Variants in KLHL7 observed in about 807,000 individuals in gnomAD.
The protein encoded by KLHL7 is kelch like family member 7.
A neutral mutation model predicts 67.4 loss-of-function variants in KLHL7; 44 were observed. That is an observed-to-expected ratio of 0.65 (90% CI 0.51 to 0.84). KLHL7 has a LOEUF of 0.84. Ranked by LOEUF, KLHL7 falls within the 40% of genes least tolerant of loss-of-function variation. The pLI, the probability that KLHL7 is intolerant of heterozygous loss-of-function variation, is 0.00. For synonymous variants in KLHL7, 252 were observed against 243.3 expected (o/e 1.04, Z -0.33); for missense variants, 362 against 718.1 (o/e 0.50, Z 5.67).
Position 23,167,930 on chromosome 7 carries a change from G to T in KLHL7, c.1272G>T (p.Gly424=), listed in dbSNP as rs1785050127. The change falls in exon 9 of 11, where the codon GGG becomes GGT. Residue 424 remains glycine (G), a synonymous_variant. Transcript: ENST00000339077. ...PSMLTQRCSH[G]MVEANGLIYV... is the part of the protein sequence containing the mutation. ...TGCTGACCCAGCGCTGCAGCCATGGGATGGTGGAAGCCAATGGCCTAATCT... is the reference window on the plus strand; with the variant it reads ...TGCTGACCCAGCGCTGCAGCCATGGTATGGTGGAAGCCAATGGCCTAATCT... 3 of 1,614,262 alleles carry T rather than the reference G, an allele frequency of 1.9e-6. No homozygotes were observed. Among genetic ancestry groups the T allele is most frequent in the Non-Finnish European group, 2.5e-6 (3 of 1,180,048 alleles).
At chr7:23,129,700 G>A (rs1783724004) in intron 4 of KLHL7, 1 of 158,342 alleles carries the variant, frequency 6.3e-6, no homozygotes, top group Non-Finnish European at 1.4e-5. Context: ...GACTTATGGA[G>A]CCAGTCCCAG....
At chr7:23,122,783 A>G (rs1204270503) in intron 1 of KLHL7, among the ~76,000 whole-genome samples, 1 of 152,186 alleles carries the variant, frequency 6.6e-6, no homozygotes, top group Non-Finnish European at 1.5e-5. Context: ...TTTTAGTAAA[A>G]TACTTAAAAT....
At chr7:23,117,844 C>G in intron 1 of KLHL7, 1 of 1,611,064 alleles carries the variant, frequency 6.2e-7, no homozygotes, top group Non-Finnish European at 8.5e-7. Flanking sequence ...TGATTTAAAT[C>G]TACCACCCAG....
At chr7:23,123,493 A>G (rs1783436408) in intron 1 of KLHL7, among the ~76,000 whole-genome samples, 1 of 152,064 alleles carries the variant, frequency 6.6e-6, no homozygotes, top group Non-Finnish European at 1.5e-5. Flanking sequence ...AGAAAAAAAA[A>G]AAAAAAAAGA....
chr7:23,121,781 C>A (rs1157359078), intron 1 of KLHL7, among the ~76,000 whole-genome samples: 1 of 150,286 alleles, frequency 6.7e-6, no homozygotes, highest in Non-Finnish European at 1.5e-5. Flanking sequence ...CTCCTGGGTT[C>A]ATGCCGTTCT....
intron 7 of KLHL7, chr7:23,155,962 T>G: frequency 4.3e-6 from 2 of 460,914 alleles, no homozygotes; most frequent in South Asian, 3.2e-5. Context: ...TAGTTCTAAT[T>G]CTTTCCTTGA....
At chr7:23,124,585 C>T in intron 2 of KLHL7, 103 bp from the exon 3 acceptor site, 1 of 753,074 alleles carries the variant, frequency 1.3e-6, no homozygotes, top group East Asian at 2.6e-5. Context: ...AGAGAACTGT[C>T]CCGTTATTTT....
At chr7:23,113,951 A>C (rs138875231) in intron 1 of KLHL7, among the ~76,000 whole-genome samples, 1 of 152,192 alleles carries the variant, frequency 6.6e-6, no homozygotes, top group Non-Finnish European at 1.5e-5. Flanking sequence ...TTGAGAATGA[A>C]TTCTGCTACA....
chr7:23,128,532 T>C (rs1783672620), intron 4 of KLHL7, among the ~76,000 whole-genome samples: 1 of 151,772 alleles, frequency 6.6e-6, no homozygotes. Context: ...AGATATATTC[T>C]AGTGATATTT....
intron 4 of KLHL7, among the ~76,000 whole-genome samples, chr7:23,138,972 TG>T (rs1260200097): frequency 6.6e-6 from 1 of 152,084 alleles, no homozygotes; most frequent in Non-Finnish European, 1.5e-5. Flanking sequence ...CTCATTCTCC[TG>T]GGGTAGGGTT....
chr7:23,118,325 C>T (rs1783184612), intron 1 of KLHL7, among the ~76,000 whole-genome samples: 1 of 152,206 alleles, frequency 6.6e-6, no homozygotes, highest in Non-Finnish European at 1.5e-5. Context: ...GGACCCGTCA[C>T]TACTAGTTCT....
intron 6 of KLHL7, among the ~76,000 whole-genome samples, chr7:23,146,660 CTTCTTCTT>C (rs1374642583): frequency 2.5e-5 from 3 of 120,764 alleles, no homozygotes; most frequent in Non-Finnish European, 1.6e-5. Context: ...TCTTCTTCTT[CTTCTTCTT>C]TTTTTTTTAA....
chr7:23,163,721 G>A (rs1784917169), intron 7 of KLHL7, among the ~76,000 whole-genome samples: 2 of 152,162 alleles, frequency 1.3e-5, no homozygotes, highest in Admixed American at 1.3e-4. Context: ...CTTTATACAT[G>A]GATGTGTCCA....
chr7:23,110,211 A>G (rs1396069647), intron 1 of KLHL7, among the ~76,000 whole-genome samples: 1 of 152,232 alleles, frequency 6.6e-6, no homozygotes, highest in Non-Finnish European at 1.5e-5. Context: ...GACACCATAG[A>G]TAAATAGAAG....
rs1179814480 is a variant in KLHL7, at chr7:23,105,865, G to C, written c.-162G>C. 1.9e-6 allele frequency: 2 copies of C among 1,064,792 alleles called. No homozygotes were observed. The highest frequency in any genetic ancestry group is 1.4e-5 in the South Asian group (1 of 73,564). 66.0% of individuals were successfully genotyped at this position (1,064,792 alleles called of 1,614,324 possible). On this transcript the variant is annotated 5_prime_UTR_variant, in exon 1 of 11. Coordinates refer to ENST00000339077, the MANE Select transcript of KLHL7 (RefSeq NM_001031710.3). ...AGGGGGCCGCCCGGCCTTGTCTTTC[G>C]GCAGTGGCCGAGCCACCGCCGCCTG...
intron 6 of KLHL7, among the ~76,000 whole-genome samples, chr7:23,145,946 G>T (rs1784342183): frequency 6.6e-6 from 1 of 152,110 alleles, no homozygotes; most frequent in Admixed American, 6.5e-5. Context: ...TGTTCAGGCT[G>T]GTCTCAAACT....
chr7:23,128,708 T>A (rs1310916447), intron 4 of KLHL7, among the ~76,000 whole-genome samples: 1 of 151,792 alleles, frequency 6.6e-6, no homozygotes, highest in Non-Finnish European at 1.5e-5. Flanking sequence ...AGCTAGCAGG[T>A]CCCAAAAGAA....
intron 9 of KLHL7, among the ~76,000 whole-genome samples, chr7:23,172,367 T>C (rs1394683296): frequency 6.6e-6 from 1 of 152,244 alleles, no homozygotes; most frequent in African/African-American, 2.4e-5. Context: ...ACATGAGGTA[T>C]TAAACTTGAC....
At chr7:23,151,930 C>A in intron 6 of KLHL7, 137 bp from the exon 7 acceptor site, 1 of 786,300 alleles carries the variant, frequency 1.3e-6, no homozygotes, top group Non-Finnish European at 2.2e-6. Context: ...TCTTCCCCCT[C>A]ACTTTCCTCA....
Sources: allele counts gnomAD v4.1 joint callset (sites outside exome capture counted in the v4.1 genomes callset), GRCh38; gene constraint gnomAD v4.1.1; transcripts MANE v1.5; gene names NCBI Gene and HGNC (gene_info 2026-07-23, HGNC 2026-07-21).